Variants in TNPO1 observed in about 807,000 individuals in gnomAD.
TNPO1 encodes transportin-1.
In TNPO1, 8 loss-of-function variants were observed where a neutral mutation model predicts 119.5. The observed-to-expected ratio is 0.07, with a 90% CI of 0.04 to 0.12. TNPO1 has a LOEUF of 0.12. Among genes scored for constraint, TNPO1 ranks in the 10% least tolerant of loss-of-function variants. TNPO1 has a pLI of 1.00. For synonymous variants in TNPO1, 362 were observed against 363.0 expected, an observed-to-expected ratio of 1.00 and a Z score of 0.03; for missense variants, 576 against 1,089.8, an observed-to-expected ratio of 0.53 and a Z score of 6.64.
At chr5:72,905,172 C>T (rs930733383) in intron 23 of TNPO1, 131 bp from the exon 24 acceptor site, 37 of 670,992 alleles carry the variant, frequency 5.5e-5, no homozygotes, top group Middle Eastern at 8.7e-4. Context: ...TAGAATCCTA[C>T]GAAGTTTGAG....
chr5:72,855,659 T>A, intron 3 of TNPO1, 115 bp from the exon 4 acceptor site: 1 of 824,716 alleles, frequency 1.2e-6, no homozygotes, highest in Non-Finnish European at 1.9e-6. Flanking sequence ...TTTTAACTGG[T>A]TATAGCAAGT....
intron 1 of TNPO1, among the ~76,000 whole-genome samples, chr5:72,821,931 A>G (rs1743976965): frequency 6.6e-6 from 1 of 152,208 alleles, no homozygotes; most frequent in Non-Finnish European, 1.5e-5. Flanking sequence ...GCCAGGTAGC[A>G]AATATTTTCT....
intron 1 of TNPO1, among the ~76,000 whole-genome samples, chr5:72,835,998 G>C (rs999394349): frequency 2.0e-5 from 3 of 152,022 alleles, no homozygotes; most frequent in African/African-American, 7.3e-5. Context: ...AGTTGGGTAG[G>C]GGTTGGGCCC....
intron 4 of TNPO1, among the ~76,000 whole-genome samples, chr5:72,858,754 A>G (rs945460489): frequency 3.3e-5 from 5 of 151,902 alleles, no homozygotes; most frequent in Non-Finnish European, 4.4e-5. Context: ...GGAGAATGGC[A>G]TGAACCCGGG....
In TNPO1 at chr5:72,912,951, C is replaced by T. The variant is rs1750661149; in HGVS notation, c.*4278C>T. ...CTTTGATAATACTTCAAAACATACA[C>T]AGCTTTGCTTACTGAATTATTTTTG... On this transcript the variant is annotated 3_prime_UTR_variant, in exon 25 of 25. Coordinates refer to ENST00000337273, the MANE Select transcript of TNPO1 (RefSeq NM_002270.4). The T allele has an allele frequency of 6.6e-6, 1 of 152,486 alleles. No homozygotes were observed. The highest frequency in any genetic ancestry group is 6.5e-5 in the Admixed American group (1 of 15,270). 9.4% of individuals were successfully genotyped at this position (152,486 alleles called of 1,614,324 possible). A position where few individuals can be genotyped will look rare whatever the true frequency, so the allele number is the denominator to read the frequency against.
chr5:72,888,762 C>A (rs1351328122), intron 13 of TNPO1, among the ~76,000 whole-genome samples: 1 of 152,186 alleles, frequency 6.6e-6, no homozygotes, highest in Non-Finnish European at 1.5e-5. Flanking sequence ...GGTCAACCAC[C>A]ATAACTCAGA....
intron 20 of TNPO1, among the ~76,000 whole-genome samples, chr5:72,898,832 AG>A (rs1377018433): frequency 1.3e-5 from 2 of 152,160 alleles, no homozygotes; most frequent in African/African-American, 4.8e-5. Context: ...GCTGGATTTT[AG>A]TATTATCTGT....
chr5:72,875,563 A>G, intron 7 of TNPO1, 52 bp from the exon 8 acceptor site: 1 of 1,572,824 alleles, frequency 6.4e-7, no homozygotes. Context: ...ATTACTTATT[A>G]CTTGTGTGTA....
intron 8 of TNPO1, among the ~76,000 whole-genome samples, chr5:72,876,198 A>G (rs1466458458): frequency 1.3e-5 from 2 of 152,226 alleles, no homozygotes; most frequent in East Asian, 1.9e-4. Context: ...GGGGAGCCTA[A>G]TTTATAATGT....
intron 1 of TNPO1, among the ~76,000 whole-genome samples, chr5:72,819,846 T>C (rs1275315842): frequency 6.6e-6 from 1 of 152,234 alleles, no homozygotes; most frequent in East Asian, 1.9e-4. Context: ...TCTTATGTTA[T>C]GAGGATTAAA....
At chr5:72,865,349 GGA>G (rs1227974130) in intron 5 of TNPO1, among the ~76,000 whole-genome samples, 1 of 151,692 alleles carries the variant, frequency 6.6e-6, no homozygotes, top group African/African-American at 2.4e-5. Context: ...GGCTGAGGCA[GGA>G]GAGTCACTTG....
chr5:72,851,155 C>T (rs1324390052), intron 2 of TNPO1, 89 bp from the exon 3 acceptor site: 1 of 799,888 alleles, frequency 1.3e-6, no homozygotes, highest in Non-Finnish European at 2.1e-6. Flanking sequence ...GAAAATACCA[C>T]CAAAGAGATC....
chr5:72,858,341 T>C (rs1746160234), intron 4 of TNPO1, among the ~76,000 whole-genome samples: 1 of 152,202 alleles, frequency 6.6e-6, no homozygotes, highest in Admixed American at 6.5e-5. Flanking sequence ...AAATTTTCTA[T>C]TTTAAAAAGT....
At chr5:72,893,572 TTC>T (rs1561353561) in intron 17 of TNPO1, 37 bp downstream of exon 17, 1 of 1,614,116 alleles carries the variant, frequency 6.2e-7, no homozygotes, top group African/African-American at 1.3e-5. Context: ...TGAAGCCTGT[TTC>T]TCTGTGTCAC....
At chr5:72,862,341 T>C (rs1746517593) in intron 5 of TNPO1, 1 of 163,784 alleles carries the variant, frequency 6.1e-6, no homozygotes, top group African/African-American at 2.4e-5. Context: ...TTTGTTTTTG[T>C]TTTTTGAGAC....
intron 1 of TNPO1, among the ~76,000 whole-genome samples, chr5:72,821,351 A>G (rs968111170): frequency 1.3e-5 from 2 of 152,194 alleles, no homozygotes; most frequent in Non-Finnish European, 2.9e-5. Flanking sequence ...TGTTTTTACT[A>G]AGAAAGGAAT....
intron 9 of TNPO1, among the ~76,000 whole-genome samples, chr5:72,878,377 C>T (rs942379420): frequency 1.3e-5 from 2 of 151,626 alleles, no homozygotes; most frequent in Non-Finnish European, 1.5e-5. Context: ...ACCGTATACC[C>T]CACTGTGTGT....
chr5:72,856,017 C>T, intron 4 of TNPO1, 94 bp downstream of exon 4: 1 of 1,365,854 alleles, frequency 7.3e-7, no homozygotes. Context: ...TTGTCTGTTT[C>T]ATGTTAAATT....
intron 22 of TNPO1, 37 bp from the exon 23 acceptor site, chr5:72,903,672 C>A: frequency 2.1e-6 from 3 of 1,418,834 alleles, no homozygotes; most frequent in Non-Finnish European, 2.9e-6. Flanking sequence ...TTGACAAATA[C>A]AATATCAACC....
Sources: gnomAD v4.1 joint callset for allele counts (sites outside exome capture counted in the v4.1 genomes callset) on GRCh38, gnomAD v4.1.1 for gene constraint, MANE v1.5 for transcripts, NCBI Gene and HGNC (gene_info 2026-07-23, HGNC 2026-07-21) for gene names.